Variants in STXBP3 observed in about 807,000 individuals in gnomAD.
STXBP3 encodes syntaxin-binding protein 3.
In STXBP3, 41 loss-of-function variants were observed where a neutral mutation model predicts 85.7. The ratio of observed to expected loss-of-function variants is 0.48; its 90% confidence interval spans 0.37 to 0.62. STXBP3 has a LOEUF of 0.62. Among genes scored for constraint, STXBP3 ranks in the 20% least tolerant of loss-of-function variants. STXBP3 has a pLI of 0.00. For synonymous variants in STXBP3, 229 were observed against 231.7 expected, an observed-to-expected ratio of 0.99 and a Z score of 0.10; for missense variants, 563 against 703.1, an observed-to-expected ratio of 0.80 and a Z score of 2.25.
At chr1:108,752,338 AT>A (rs1661922144) in intron 2 of STXBP3, 32 bp downstream of exon 2, 1 of 1,600,236 alleles carries the variant, frequency 6.2e-7, no homozygotes, top group Non-Finnish European at 8.5e-7. Flanking sequence ...CTTATAAAAA[AT>A]AATACAAACT....
At chr1:108,795,590 G>T (rs1663072604) in intron 13 of STXBP3, among the ~76,000 whole-genome samples, 2 of 151,626 alleles carry the variant, frequency 1.3e-5, no homozygotes, top group Admixed American at 1.3e-4. Context: ...AGATAATTTT[G>T]CATTGTATTA....
intron 11 of STXBP3, among the ~76,000 whole-genome samples, chr1:108,786,945 G>A (rs759846177): frequency 3.9e-5 from 6 of 152,020 alleles, no homozygotes; most frequent in Middle Eastern, 3.4e-3. Context: ...TATCTCAGCC[G>A]CATTTTATAA....
chr1:108,798,588 G>T (rs1363830873), intron 16 of STXBP3, among the ~76,000 whole-genome samples: 1 of 151,526 alleles, frequency 6.6e-6, no homozygotes, highest in African/African-American at 2.4e-5. Context: ...GCTAATTTTT[G>T]TATTTTTAGT....
chr1:108,791,791 C>T (rs1271871079), intron 11 of STXBP3, among the ~76,000 whole-genome samples: 1 of 152,096 alleles, frequency 6.6e-6, no homozygotes, highest in Non-Finnish European at 1.5e-5. Flanking sequence ...GTCCTCATGC[C>T]CGTTTGCAGA....
At chr1:108,760,166 A>C (rs2101106756) in intron 6 of STXBP3, 81 bp downstream of exon 6, 1 of 754,282 alleles carries the variant, frequency 1.3e-6, no homozygotes, top group East Asian at 3.0e-5. Context: ...GTATATTCTG[A>C]AGATATTTTT....
Position 108,808,893 on chromosome 1 carries a change from G to A in STXBP3, c.*16G>A, listed in dbSNP as rs768914790. 5.8e-6 allele frequency: 9 copies of A among 1,540,466 alleles called. No homozygotes were observed. The East Asian group carries it at 2.0e-4, about 35-fold the overall frequency. The stretch of plus-strand genomic sequence containing the variant: ...AGATGAATAGCATTTCTTTTTGGAG[G>A]GTTTAGAGATTCTTACTAATATGTT... On this transcript the variant is annotated 3_prime_UTR_variant, in exon 19 of 19. Transcript: ENST00000370008.
Position 108,760,075 on chromosome 1 carries a change from A to G in STXBP3, c.428A>G (p.His143Arg), listed in dbSNP as rs141377350. 7.7e-6 allele frequency: 12 copies of G among 1,552,462 alleles called. No homozygotes were observed. In the African/African-American group the frequency reaches 1.1e-4, roughly 15 times the overall value. ...CKEINISFIPHESQVYTLDVP... is the reference protein window; with the variant it reads ...CKEINISFIPRESQVYTLDVP... ...GAAATAAATATTTCCTTCATTCCAC[A>G]TGAATCTCAGGTACTTTCTATTTTT... Residue 143 changes from histidine to arginine, a missense_variant, in exon 6 of 19, where the codon CAT becomes CGT. Transcript: ENST00000370008.
chr1:108,748,469 CATTG>C (rs1189590196), intron 1 of STXBP3, among the ~76,000 whole-genome samples: 1 of 152,116 alleles, frequency 6.6e-6, no homozygotes, highest in Non-Finnish European at 1.5e-5. Context: ...CTGCAGTGGA[CATTG>C]ATTGTGCCAC....
chr1:108,802,622 G>A (rs972518052), intron 17 of STXBP3, among the ~76,000 whole-genome samples: 5 of 152,208 alleles, frequency 3.3e-5, no homozygotes, highest in Non-Finnish European at 7.4e-5. Context: ...CACCACCACC[G>A]TTCTTACCAG....
chr1:108,793,773 T>A, intron 12 of STXBP3, 126 bp downstream of exon 12: 1 of 684,806 alleles, frequency 1.5e-6, no homozygotes, highest in Non-Finnish European at 2.4e-6. Context: ...TCTAAAACCT[T>A]ACTATAGGTC....
intron 3 of STXBP3, among the ~76,000 whole-genome samples, chr1:108,756,143 A>T (rs191631310): frequency 6.6e-6 from 1 of 152,318 alleles, no homozygotes; most frequent in Admixed American, 6.5e-5. Flanking sequence ...TAATTTCCAT[A>T]ATAAAAAATA....
Position 108,761,629 on chromosome 1 carries a change from T to G in STXBP3, c.438+1544T>G, listed in dbSNP as rs1044350397. 3.3e-5 allele frequency among the ~76,000 whole-genome samples: 5 copies of G among 152,320 alleles called. No individual in the cohort carries two copies. In the South Asian group the frequency reaches 1.0e-3, roughly 32 times the overall value. On this transcript the variant is annotated intron_variant, in intron 6 of 18. Transcript: ENST00000370008. The stretch of plus-strand genomic sequence containing the variant: ...GTAAGGTCCCATCTGTGAATGGTTT[T>G]CCTATAAGAATTTTTTTCTTTTAAT...
At chr1:108,807,712 A>T (rs1034543879) in intron 18 of STXBP3, among the ~76,000 whole-genome samples, 163 bp downstream of exon 18, 1 of 151,728 alleles carries the variant, frequency 6.6e-6, no homozygotes, top group Admixed American at 6.6e-5. Context: ...GAATAGCTGG[A>T]ATTACAGGTG....
chr1:108,796,440 AAGAT>A (rs1663101760), intron 14 of STXBP3, 68 bp downstream of exon 14: 1 of 1,271,148 alleles, frequency 7.9e-7, no homozygotes, highest in Non-Finnish European at 1.1e-6. Context: ...TGAAAACTGA[AAGAT>A]AGTTGCTGAA....
At chr1:108,756,405 ATGAG>A (rs1371282316) in intron 3 of STXBP3, among the ~76,000 whole-genome samples, 4 of 152,138 alleles carry the variant, frequency 2.6e-5, no homozygotes, top group African/African-American at 9.7e-5. Flanking sequence ...ATGAATTTTA[ATGAG>A]TAATTCATGT....
intron 1 of STXBP3, among the ~76,000 whole-genome samples, chr1:108,747,256 TGTTA>T (rs1176147101): frequency 1.3e-5 from 2 of 152,150 alleles, no homozygotes; most frequent in Non-Finnish European, 2.9e-5. Context: ...TGCTTATTCG[TGTTA>T]GTATCAACCC....
intron 16 of STXBP3, among the ~76,000 whole-genome samples, chr1:108,798,790 T>C (rs1663171541): frequency 6.6e-6 from 1 of 152,206 alleles, no homozygotes; most frequent in African/African-American, 2.4e-5. Context: ...AACACATATA[T>C]GCTTTATAAA....
intron 11 of STXBP3, among the ~76,000 whole-genome samples, chr1:108,792,148 T>A (rs1197713895): frequency 6.6e-6 from 1 of 152,250 alleles, no homozygotes; most frequent in Non-Finnish European, 1.5e-5. Context: ...TATCATTTGC[T>A]AACTTAAAGT....
chr1:108,793,730 TG>T, intron 12 of STXBP3, 83 bp downstream of exon 12: 1 of 1,163,916 alleles, frequency 8.6e-7, no homozygotes, highest in East Asian at 2.5e-5. Context: ...GATTTAGCAG[TG>T]GGTTTCGTGG....
Sources: gnomAD v4.1 joint callset for allele counts (sites outside exome capture counted in the v4.1 genomes callset) on GRCh38, gnomAD v4.1.1 for gene constraint, MANE v1.5 for transcripts, NCBI Gene and HGNC (gene_info 2026-07-23, HGNC 2026-07-21) for gene names.